The following GREB1L variants were observed in gnomAD, a reference collection of about 807,000 sequenced individuals.
GREB1L encodes the protein GREB1-like protein.
In GREB1L, 17 loss-of-function variants were observed where a neutral mutation model predicts 200.8. That is an observed-to-expected ratio of 0.08 (90% CI 0.06 to 0.13). The LOEUF (loss-of-function observed/expected upper bound fraction) is 0.13. Ranked by LOEUF, GREB1L falls within the 10% of genes least tolerant of loss-of-function variation. The pLI, the probability that GREB1L is intolerant of heterozygous loss-of-function variation, is 1.00. For synonymous variants in GREB1L, 789 were observed against 893.0 expected (o/e 0.88, Z 2.08); for missense variants, 1,657 against 2,367.7 (o/e 0.70, Z 6.23).
chr18:21,458,579 C>T (rs2034887383), intron 15 of GREB1L, among the ~76,000 whole-genome samples: 2 of 152,200 alleles, frequency 1.3e-5, no homozygotes. Context: ...TAGAAACCAT[C>T]ACGTTGTTGC....
chr18:21,395,397 C>T lies in GREB1L; in HGVS notation c.368C>T (p.Ala123Val). Residue 123 changes from alanine to valine, a missense_variant, in exon 5 of 33, where the codon GCA becomes GTA. By Grantham distance (64) the Ala-to-Val change is moderately conservative. Coordinates refer to ENST00000424526, the MANE Select transcript of GREB1L (RefSeq NM_001142966.3). ...GSCTTDGFCQAGKDLRLVSLC... is the reference protein window; with the variant it reads ...GSCTTDGFCQVGKDLRLVSLC... Reference sequence around the variant, plus strand: ...AACTGGTTTTTAGGTTTTTGTCAAGCAGGAAAGGATTTGCGTTTGGTATCA... The same window carrying T: ...AACTGGTTTTTAGGTTTTTGTCAAGTAGGAAAGGATTTGCGTTTGGTATCA... The T allele has an allele frequency of 6.5e-7, 1 of 1,549,508 alleles. No individual in the cohort carries two copies. The highest frequency in any genetic ancestry group is 8.7e-7 in the Non-Finnish European group (1 of 1,146,304).
At chr18:21,505,614 ACTAG>A in intron 24 of GREB1L, 47 bp downstream of exon 24, 1 of 1,540,024 alleles carries the variant, frequency 6.5e-7, no homozygotes, top group South Asian at 1.2e-5. Context: ...TTAAGGGGAC[ACTAG>A]CTCAGGGTGC....
intron 16 of GREB1L, among the ~76,000 whole-genome samples, chr18:21,475,224 C>T (rs1280700240): frequency 6.6e-6 from 1 of 152,184 alleles, no homozygotes; most frequent in East Asian, 1.9e-4. Context: ...GCTTCTTTTC[C>T]TTCCTCTCTC....
At chr18:21,398,563 C>T (rs1598758429) in intron 5 of GREB1L, among the ~76,000 whole-genome samples, 1 of 152,236 alleles carries the variant, frequency 6.6e-6, no homozygotes, top group East Asian at 1.9e-4. Context: ...TAAATAAACA[C>T]ATTGCTGGGA....
At chr18:21,317,362 A>G (rs1598653615) in intron 1 of GREB1L, 1 of 138,546 alleles carries the variant, frequency 7.2e-6, no homozygotes. Flanking sequence ...GCACTTTGGG[A>G]GACAAAGGTG....
chr18:21,498,845 G>A (rs1018120184), intron 21 of GREB1L, among the ~76,000 whole-genome samples: 3 of 152,212 alleles, frequency 2.0e-5, no homozygotes, highest in Admixed American at 2.0e-4. Context: ...TTTTAATCAT[G>A]TCTTGTTGAT....
chr18:21,329,303 C>G (rs1260219721), intron 1 of GREB1L, among the ~76,000 whole-genome samples: 2 of 131,118 alleles, frequency 1.5e-5, no homozygotes, highest in African/African-American at 6.0e-5. Flanking sequence ...CCAGCCTGGG[C>G]GACAGAGTGA....
chr18:21,429,172 CCCTT>C (rs1458791714), intron 7 of GREB1L, among the ~76,000 whole-genome samples: 1 of 77,902 alleles, frequency 1.3e-5, no homozygotes, highest in South Asian at 7.8e-4. Context: ...CCCTTCCCCT[CCCTT>C]CCTTCCCCTC....
intron 1 of GREB1L, among the ~76,000 whole-genome samples, chr18:21,343,730 ATTTTTTTTTTT>A (rs36120644): frequency 7.8e-5 from 9 of 114,952 alleles, no homozygotes; most frequent in African/African-American, 2.7e-4. Context: ...GAGAAGAGAG[ATTTTTTTTTTT>A]TTTTTTTTTT....
At chr18:21,268,285 A>G (rs1444479766) in intron 1 of GREB1L, among the ~76,000 whole-genome samples, 1 of 151,750 alleles carries the variant, frequency 6.6e-6, no homozygotes, top group Admixed American at 6.6e-5. Flanking sequence ...CTTCTGGCAC[A>G]TTGCCGTGTG....
At chr18:21,329,979 G>T (rs944302725) in intron 1 of GREB1L, among the ~76,000 whole-genome samples, 12 of 149,310 alleles carry the variant, frequency 8.0e-5, no homozygotes, top group Admixed American at 5.3e-4. Context: ...TGGGGGGGGG[G>T]GGTCTTTATC....
chr18:21,436,812 G>A (rs2033577072), intron 7 of GREB1L, among the ~76,000 whole-genome samples: 1 of 151,568 alleles, frequency 6.6e-6, no homozygotes, highest in Admixed American at 6.6e-5. Context: ...CCAGGCTTAA[G>A]CAACCCTCCC....
intron 21 of GREB1L, among the ~76,000 whole-genome samples, chr18:21,498,113 C>T (rs139203308): frequency 0.01 from 1,568 of 152,240 alleles, 16 homozygotes; most frequent in Middle Eastern, 0.024. Context: ...TGAGCCACCG[C>T]GCCCAGCCTC....
chr18:21,339,017 C>T (rs527477107), intron 1 of GREB1L, among the ~76,000 whole-genome samples: 20 of 152,164 alleles, frequency 1.3e-4, no homozygotes, highest in Non-Finnish European at 2.4e-4. Flanking sequence ...GGCAAAACCC[C>T]GTCTCTACTA....
At chr18:21,257,560 GT>G (rs1323506735) in intron 1 of GREB1L, among the ~76,000 whole-genome samples, 1 of 152,094 alleles carries the variant, frequency 6.6e-6, no homozygotes, top group African/African-American at 2.4e-5. Context: ...AATATTTGAG[GT>G]TTTATGCCAT....
rs1249624331 is a variant in GREB1L, at chr18:21,516,679, T to C, written c.5196T>C (p.Phe1732=). The C allele has an allele frequency of 1.0e-5, 16 of 1,551,362 alleles. No individual in the cohort carries two copies. The East Asian group carries it at 3.7e-4, about 36-fold the overall frequency. The part of the protein sequence containing the change: ...TNSSGLLICR[F]NNFSLMKKHV... ...GTAGTGGCCTGCTCATCTGCCGCTT[T>C]AATAACTTCAGTCTCATGAAGAAAC... The change falls in exon 30 of 33, where the codon TTT becomes TTC. Residue 1732 remains phenylalanine (F), a synonymous_variant. Coordinates refer to ENST00000424526, the MANE Select transcript of GREB1L (RefSeq NM_001142966.3).
At position 21,505,512 on chromosome 18, in the gene GREB1L, C is replaced by G; in HGVS notation, c.4173C>G (p.Pro1391=). Residue 1391 remains proline (P), a synonymous_variant, in exon 24 of 33, where the codon CCC becomes CCG. Coordinates refer to ENST00000424526, the MANE Select transcript of GREB1L (RefSeq NM_001142966.3). ...CTTTTGATGTCAGTGTGCATGACCC[C>G]AAGTACAGTTTGATGAGCCTGGTGT... is the stretch of plus-strand genomic sequence containing the variant. ...KMPFDVSVHD[P]KYSLMSLVYT... The G allele has an allele frequency of 6.4e-7, 1 of 1,551,728 alleles. No homozygotes were observed. Among genetic ancestry groups the G allele is most frequent in the Non-Finnish European group, 8.7e-7 (1 of 1,146,998 alleles).
intron 1 of GREB1L, among the ~76,000 whole-genome samples, chr18:21,338,842 A>T (rs1002671998): frequency 6.6e-6 from 1 of 152,248 alleles, no homozygotes; most frequent in Non-Finnish European, 1.5e-5. Flanking sequence ...TATAAAGGAG[A>T]GTGAGGATCA....
At chr18:21,514,130 C>T (rs2037335032) in intron 28 of GREB1L, 144 bp downstream of exon 28, 4 of 702,034 alleles carry the variant, frequency 5.7e-6, no homozygotes, top group Non-Finnish European at 9.2e-6. Flanking sequence ...CTCACTAGAA[C>T]ATTTTGTGGT....
Sources: gnomAD v4.1 joint callset for allele counts (sites outside exome capture counted in the v4.1 genomes callset) on GRCh38, gnomAD v4.1.1 for gene constraint, MANE v1.5 for transcripts, NCBI Gene and HGNC (gene_info 2026-07-23, HGNC 2026-07-21) for gene names.